Variants in RRP12 observed in about 807,000 individuals in gnomAD.
The protein encoded by RRP12 is ribosomal RNA processing 12 homolog, also known as RRP12-like protein.
A neutral mutation model predicts 157.3 loss-of-function variants in RRP12; 78 were observed. That is an observed-to-expected ratio of 0.50 (90% CI 0.41 to 0.60). The LOEUF is 0.60. Ranked by LOEUF, RRP12 falls within the 20% of genes least tolerant of loss-of-function variation. The probability of loss-of-function intolerance (pLI) is 0.00; values close to 1 mark genes in which losing one functional copy is unlikely to be tolerated. For synonymous variants in RRP12, 726 were observed against 670.9 expected (o/e 1.08, Z -1.27); for missense variants, 1,521 against 1,679.9 (o/e 0.91, Z 1.65).
chr10:97,377,000 C>A (rs1844328333), intron 15 of RRP12, among the ~76,000 whole-genome samples: 1 of 151,912 alleles, frequency 6.6e-6, no homozygotes, highest in Admixed American at 6.6e-5. Context: ...CTGCCTCAGC[C>A]TCCCGAGTAG....
intron 2 of RRP12, among the ~76,000 whole-genome samples, chr10:97,396,517 T>C (rs1844969858): frequency 1.3e-5 from 2 of 152,166 alleles, no homozygotes; most frequent in Non-Finnish European, 2.9e-5. Context: ...ACTAACCTTC[T>C]AGAAATACCT....
At chr10:97,376,536 C>T (rs916474706) in intron 15 of RRP12, among the ~76,000 whole-genome samples, 13 of 152,042 alleles carry the variant, frequency 8.6e-5, no homozygotes, top group African/African-American at 3.1e-4. Flanking sequence ...TAAGCACTTC[C>T]TGTATATTCT....
intron 8 of RRP12, among the ~76,000 whole-genome samples, chr10:97,387,138 T>TAA (rs1844655944): frequency 5.9e-5 from 9 of 152,210 alleles, no homozygotes; most frequent in Middle Eastern, 3.4e-3. Context: ...ACACGCATCC[T>TAA]CCCATACACT....
rs1190725019 is a variant in RRP12, at chr10:97,372,193, G to C, written c.2250-27C>G. ...TGCTCGGGGCAGGAGGACAAGGAGA[G>C]GGATGGGGAGCTGGAGAAGGGCGCA... is the stretch of plus-strand genomic sequence containing the variant. On this transcript the variant is annotated intron_variant, in intron 19 of 33. Coordinates refer to ENST00000370992, the MANE Select transcript of RRP12 (RefSeq NM_015179.4). 3 of 1,585,992 alleles carry C rather than the reference G, an allele frequency of 1.9e-6. No homozygotes were observed. The South Asian group carries it at 3.3e-5, about 18-fold the overall frequency.
rs765680667 is a variant in RRP12, at chr10:97,385,948, C to T, written c.1063G>A (p.Ala355Thr). 85 of 1,606,378 alleles carry T rather than the reference C, an allele frequency of 5.3e-5. No individual in the cohort carries two copies. Among genetic ancestry groups the T allele is most frequent in the Non-Finnish European group, 7.1e-5 (83 of 1,176,774 alleles). Residue 355 changes from alanine to threonine, a missense_variant, in exon 9 of 34, where the codon GCC (alanine) becomes ACC (threonine). Ala to Thr is a moderately conservative substitution (Grantham distance 58). Transcript: ENST00000370992. ...GACAGGGTGCTCAGGCCAGGCCTGG[C>T]GTGGAAGAGGCTGTGAAAGGCCTGC... ...AMQAFHSLFH[A>T]RPGLSTLSAE...
chr10:97,367,321 C>T, intron 25 of RRP12, 189 bp from the exon 26 acceptor site: 1 of 603,966 alleles, frequency 1.7e-6, no homozygotes. Context: ...CTTTCCCCTG[C>T]ACCCTCCTTC....
chr10:97,395,280 G>A (rs1844926732), intron 3 of RRP12, among the ~76,000 whole-genome samples: 3 of 152,184 alleles, frequency 2.0e-5, no homozygotes, highest in Admixed American at 1.3e-4. Context: ...GCCAGCCATG[G>A]TGGCTCACAC....
intron 1 of RRP12, among the ~76,000 whole-genome samples, chr10:97,400,800 C>A (rs1241293858): frequency 6.6e-6 from 1 of 152,134 alleles, no homozygotes; most frequent in Non-Finnish European, 1.5e-5. Context: ...AGAGGGCCTG[C>A]AAAATAAATG....
At chr10:97,378,716 G>T (rs887571276) in intron 15 of RRP12, among the ~76,000 whole-genome samples, 4 of 152,066 alleles carry the variant, frequency 2.6e-5, no homozygotes, top group African/African-American at 9.7e-5. Flanking sequence ...AATTAGCCAG[G>T]TGCAGTGGTG....
intron 30 of RRP12, 70 bp downstream of exon 30, chr10:97,363,783 TG>T: frequency 7.5e-7 from 1 of 1,326,932 alleles, no homozygotes; most frequent in Non-Finnish European, 1.1e-6. Flanking sequence ...CTACGTGTGG[TG>T]GGGGTGAGAA....
chr10:97,401,220 C>T lies in RRP12; in HGVS notation c.12G>A (p.Ser4=). 3 of 1,614,128 alleles carry T rather than the reference C, an allele frequency of 1.9e-6. No homozygotes were observed. The highest frequency in any genetic ancestry group is 1.1e-5 in the South Asian group (1 of 91,076). Reference sequence around the variant, plus strand: ...CTGAGACACCAGAAGGCAACTTTCCCGAGCGACCCATGTTGACTAAGCCGT... The same window carrying T: ...CTGAGACACCAGAAGGCAACTTTCCTGAGCGACCCATGTTGACTAAGCCGT... MGR[S]GKLPSGVSAK... The change falls in exon 1 of 34, where the codon TCG becomes TCA. Residue 4 remains serine, a synonymous_variant. Transcript: ENST00000370992.
chr10:97,366,359 C>G, intron 28 of RRP12, 87 bp downstream of exon 28: 1 of 1,554,504 alleles, frequency 6.4e-7, no homozygotes, highest in Non-Finnish European at 8.7e-7. Context: ...ATGGGCCTGC[C>G]ATGGATGCCA....
At chr10:97,373,231 G>A in intron 17 of RRP12, 31 bp from the exon 18 acceptor site, 1 of 1,609,284 alleles carries the variant, frequency 6.2e-7, no homozygotes, top group African/African-American at 1.3e-5. Flanking sequence ...TGCACTAAAG[G>A]CACAGGAGCT....
In RRP12 at chr10:97,372,262, G is replaced by A. The variant is rs1033654408; in HGVS notation, c.2250-96C>T. ...GTCTACTGGGTATGGGGAGGTGGGAGAAGTCAGGGTGAGGACAAGGGGCTT... is the reference window on the plus strand; with the variant it reads ...GTCTACTGGGTATGGGGAGGTGGGAAAAGTCAGGGTGAGGACAAGGGGCTT... On this transcript the variant is annotated intron_variant, in intron 19 of 33. Transcript: ENST00000370992. 3 of 869,884 alleles carry A rather than the reference G, an allele frequency of 3.4e-6. No individual in the cohort carries two copies. In the African/African-American group the frequency reaches 4.9e-5, roughly 14 times the overall value. The allele number at this position is 869,884 out of a possible 1,614,324, so 53.9% of individuals were successfully genotyped here.
At chr10:97,389,600 T>A (rs1169156220) in intron 6 of RRP12, among the ~76,000 whole-genome samples, 1 of 152,088 alleles carries the variant, frequency 6.6e-6, no homozygotes, top group Non-Finnish European at 1.5e-5. Flanking sequence ...GAGGAAACAG[T>A]GGGGAACCAT....
rs181752847 is a variant in RRP12 at position 97,374,683 on chromosome 10, A to G, written c.1799-789T>C. On this transcript the variant is annotated intron_variant, in intron 15 of 33. Transcript: ENST00000370992. ...GCTACTCGGGAGGCTGAGGCAGGAG[A>G]ATGGAGTGAACCCGGGAGGTGGAGC... is the stretch of plus-strand genomic sequence containing the variant. Among the ~76,000 whole-genome samples, 636 of 150,382 alleles carry G rather than the reference A, an allele frequency of 4.2e-3. 2 individuals are homozygous for G. Among genetic ancestry groups the G allele is most frequent in the African/African-American group, 0.015 (592 of 40,656 alleles).
At chr10:97,400,214 T>A in intron 2 of RRP12, 91 bp downstream of exon 2, 1 of 906,194 alleles carries the variant, frequency 1.1e-6, no homozygotes, top group Non-Finnish European at 1.8e-6. Flanking sequence ...TACCAGCTGT[T>A]GTCATCGGAG....
intron 13 of RRP12, among the ~76,000 whole-genome samples, chr10:97,380,040 T>C (rs1844423344): frequency 6.6e-6 from 1 of 152,210 alleles, no homozygotes; most frequent in Non-Finnish European, 1.5e-5. Flanking sequence ...ATGGGACAAA[T>C]GTATCTTGTC....
chr10:97,359,031 C>T, intron 31 of RRP12, 21 bp from the exon 32 acceptor site: 2 of 1,609,126 alleles, frequency 1.2e-6, no homozygotes, highest in Non-Finnish European at 1.7e-6. Context: ...AACACAGGAC[C>T]ATGAGTCAGG....
Sources: allele counts gnomAD v4.1 joint callset (sites outside exome capture counted in the v4.1 genomes callset), GRCh38; gene constraint gnomAD v4.1.1; transcripts MANE v1.5; gene names NCBI Gene and HGNC (gene_info 2026-07-23, HGNC 2026-07-21).